HDX: variants seen among roughly 807,000 people sequenced by gnomAD.
HDX encodes chromosome X open reading frame 43.
HDX carries 19 observed loss-of-function variants against 45.2 expected under a neutral mutation model. That is an observed-to-expected ratio of 0.42 (90% CI 0.29 to 0.62). The LOEUF (loss-of-function observed/expected upper bound fraction) is 0.62, where lower values mean the gene tolerates loss of function less well. Ranked by LOEUF, HDX falls within the 20% of genes least tolerant of loss-of-function variation. The pLI is 0.20. For missense variants in HDX, 532 were observed against 493.9 expected (o/e 1.08, Z -0.73); for synonymous variants, 188 against 172.8 (o/e 1.09, Z -0.69).
chrX:84,456,336 A>T (rs894707125), intron 4 of HDX, among the ~76,000 whole-genome samples: 1 of 111,575 alleles, frequency 9.0e-6, no homozygotes, highest in Non-Finnish European at 1.9e-5. Context: ...AATGGGATAT[A>T]AGATATTATT....
chrX:84,370,444 T>A (rs1478731021), intron 5 of HDX, among the ~76,000 whole-genome samples: 1 of 111,699 alleles, frequency 9.0e-6, no homozygotes, highest in Non-Finnish European at 1.9e-5. Context: ...CCACTTACCA[T>A]CACAAAACTA....
chrX:84,465,172 A>G (rs2040321492), intron 4 of HDX, among the ~76,000 whole-genome samples: 1 of 112,248 alleles, frequency 8.9e-6, no homozygotes, highest in South Asian at 3.7e-4. Context: ...TCAGGAAACA[A>G]CAAATGCTGG....
chrX:84,376,907 A>C (rs2147892399), intron 5 of HDX, among the ~76,000 whole-genome samples: 1 of 111,690 alleles, frequency 9.0e-6, no homozygotes, highest in Admixed American at 9.5e-5. Context: ...GCGAACATAG[A>C]CAGTAGCCAG....
At chrX:84,361,097 A>G (rs769407021) in intron 6 of HDX, among the ~76,000 whole-genome samples, 1 of 111,836 alleles carries the variant, frequency 8.9e-6, no homozygotes, top group East Asian at 2.8e-4. Context: ...CTTTTATGTT[A>G]ATATTGTTAC....
chrX:84,484,989 T>C (rs1281939326), intron 2 of HDX, among the ~76,000 whole-genome samples: 4 of 112,015 alleles, frequency 3.6e-5, no homozygotes, highest in African/African-American at 1.3e-4. Context: ...ATATTGTCAT[T>C]CAGTTCAAAA....
At chrX:84,360,517 T>C (rs182215270) in intron 6 of HDX, among the ~76,000 whole-genome samples, 1 of 111,591 alleles carries the variant, frequency 9.0e-6, no homozygotes, top group East Asian at 2.8e-4. Flanking sequence ...CTAACTAATC[T>C]AGAACATTTT....
intron 5 of HDX, among the ~76,000 whole-genome samples, chrX:84,435,638 C>T (rs1372912494): frequency 6.7e-5 from 7 of 104,889 alleles, no homozygotes; most frequent in South Asian, 4.4e-4. Context: ...TCCTTGCCCA[C>T]GCCTATGTCC....
At chrX:84,329,200 G>A (rs976033124) in intron 9 of HDX, among the ~76,000 whole-genome samples, 1 of 111,783 alleles carries the variant, frequency 8.9e-6, no homozygotes, top group African/African-American at 3.2e-5. Flanking sequence ...GATTCCAAAC[G>A]GGAGGAAGAT....
intron 5 of HDX, among the ~76,000 whole-genome samples, chrX:84,418,240 C>G (rs748374893): frequency 9.0e-6 from 1 of 111,660 alleles, no homozygotes; most frequent in African/African-American, 3.3e-5. Flanking sequence ...ACTAAATCTC[C>G]AGTAAATTAC....
chrX:84,483,465 G>A lies in HDX; in HGVS notation c.-1+4559C>T, dbSNP rs1318181932. Among the ~76,000 whole-genome samples, 3 of 112,552 alleles carry A rather than the reference G, an allele frequency of 2.7e-5. No individual in the cohort carries two copies. The South Asian group carries it at 1.1e-3, about 42-fold the overall frequency. ...GGTTTAGGTGGCTTTGCACCCTCTG[G>A]TGCAATGGCCTGAGCTGTATGTTGG... On this transcript the variant is annotated intron_variant, in intron 2 of 10. Transcript: ENST00000373177.
At chrX:84,467,532 C>T (rs1175985314) in intron 4 of HDX, among the ~76,000 whole-genome samples, 6 of 107,453 alleles carry the variant, frequency 5.6e-5, no homozygotes, top group Admixed American at 1.0e-4. Flanking sequence ...GAGGCTGAGG[C>T]GGGAGAATCG....
At chrX:84,403,178 G>T (rs2038744176) in intron 5 of HDX, among the ~76,000 whole-genome samples, 1 of 109,417 alleles carries the variant, frequency 9.1e-6, no homozygotes, top group African/African-American at 3.3e-5. Flanking sequence ...TTGACATATA[G>T]AAAATGCTAG....
chrX:84,434,145 T>C (rs918714707), intron 5 of HDX, among the ~76,000 whole-genome samples: 5 of 111,631 alleles, frequency 4.5e-5, no homozygotes, highest in Non-Finnish European at 7.5e-5. Flanking sequence ...ATAATTTTAA[T>C]TTGTCCTTTC....
intron 5 of HDX, among the ~76,000 whole-genome samples, chrX:84,421,635 TA>T (rs56249555): frequency 2.4e-3 from 234 of 96,720 alleles, no homozygotes; most frequent in Admixed American, 5.7e-3. Flanking sequence ...CTGAATGCAT[TA>T]AAAAAAAAAA....
intron 4 of HDX, among the ~76,000 whole-genome samples, chrX:84,459,379 G>T (rs1191676004): frequency 2.7e-5 from 3 of 109,441 alleles, no homozygotes; most frequent in Admixed American, 9.7e-5. Context: ...GAGGCAGAGC[G>T]TGCAGTGAGC....
chrX:84,386,217 GT>G (rs1199550453), intron 5 of HDX, among the ~76,000 whole-genome samples: 1 of 111,325 alleles, frequency 9.0e-6, no homozygotes, highest in Non-Finnish European at 1.9e-5. Context: ...TTGTATTGTG[GT>G]AAATTAACTT....
chrX:84,439,815 G>A (rs1268538013), intron 5 of HDX, among the ~76,000 whole-genome samples: 1 of 111,344 alleles, frequency 9.0e-6, no homozygotes, highest in Admixed American at 9.6e-5. Context: ...TCATAGTATA[G>A]TTTGAAGTCA....
At chrX:84,427,670 A>G (rs1406740701) in intron 5 of HDX, among the ~76,000 whole-genome samples, 1 of 110,911 alleles carries the variant, frequency 9.0e-6, no homozygotes, top group Non-Finnish European at 1.9e-5. Flanking sequence ...TTTTTTTCCT[A>G]TATAGAAATG....
chrX:84,391,008 G>A (rs998366686), intron 5 of HDX, among the ~76,000 whole-genome samples: 3 of 111,599 alleles, frequency 2.7e-5, no homozygotes, highest in East Asian at 2.8e-4. Context: ...ACAATACATT[G>A]TTGCTAACTA....
Sources: gnomAD v4.1 joint callset for allele counts (sites outside exome capture counted in the v4.1 genomes callset) on GRCh38, gnomAD v4.1.1 for gene constraint, MANE v1.5 for transcripts, NCBI Gene and HGNC (gene_info 2026-07-23, HGNC 2026-07-21) for gene names.